The following CNTNAP3 variants were observed in gnomAD, a reference collection of about 807,000 sequenced individuals.
CNTNAP3 encodes contactin associated protein family member 3, also known as contactin-associated protein-like 3.
Under a neutral mutation model 92.1 loss-of-function variants are expected in CNTNAP3, and 36 were observed. The ratio of observed to expected loss-of-function variants is 0.39; its 90% CI spans 0.30 to 0.52. The LOEUF is 0.52. CNTNAP3 is among the 20% of genes least tolerant of loss of function. CNTNAP3 has a pLI of 0.76. For synonymous variants in CNTNAP3, 232 were observed against 422.3 expected (o/e 0.55, Z 5.53); for missense variants, 534 against 1,069.6 (o/e 0.50, Z 6.98).
rs760661279 is a variant in CNTNAP3, at chr9:39,109,159, C to G, written c.2365+1G>C. The stretch of plus-strand genomic sequence containing the variant: ...TAAAGCTTTTTCTTGACACTACTTA[C>G]GATCTCCGCGGCAGAGCAGTGGCCC... On this transcript the variant is annotated splice_donor_variant, in intron 15 of 23. Transcript: ENST00000297668. LOFTEE classifies it high-confidence loss of function. 4 of 1,609,614 alleles carry G rather than the reference C, an allele frequency of 2.5e-6. No homozygotes were observed. Among genetic ancestry groups the G allele is most frequent in the Non-Finnish European group, 3.4e-6 (4 of 1,178,882 alleles).
Position 39,065,785 on chromosome 9 carries a change from A to G in CNTNAP3, c.*8105T>C, listed in dbSNP as rs1480458671. 6.6e-6 allele frequency among the ~76,000 whole-genome samples: 1 copy of G among 152,198 alleles called. No individual in the cohort carries two copies. Among genetic ancestry groups the G allele is most frequent in the African/African-American group, 2.4e-5 (1 of 41,454 alleles). ...AGCACTTTTCGTCATTTTTTCTTAT[A>G]TTCATTATTTTCATTTTATTTTTGC... is the stretch of plus-strand genomic sequence containing the variant. On this transcript the variant is annotated 3_prime_UTR_variant, in exon 24 of 24. Coordinates refer to ENST00000297668, the MANE Select transcript of CNTNAP3 (RefSeq NM_033655.5).
intron 23 of CNTNAP3, among the ~76,000 whole-genome samples, chr9:39,076,529 G>A (rs1469924482): frequency 1.9e-4 from 29 of 152,358 alleles, no homozygotes; most frequent in African/African-American, 7.0e-4. Flanking sequence ...TTGAGATAGT[G>A]ATGGAAATGT....
intron 16 of CNTNAP3, among the ~76,000 whole-genome samples, chr9:39,103,125 G>A (rs1174427156): frequency 6.6e-6 from 1 of 152,206 alleles, no homozygotes. Flanking sequence ...TAAGCTTTGG[G>A]TACATAAAAA....
At chr9:39,147,919 T>C (rs1212598051) in intron 10 of CNTNAP3, among the ~76,000 whole-genome samples, 1 of 152,162 alleles carries the variant, frequency 6.6e-6, no homozygotes, top group South Asian at 2.1e-4. Flanking sequence ...TTGTGAGTAA[T>C]TAACAAGGTA....
At chr9:39,144,932 T>A (rs1821663970) in intron 10 of CNTNAP3, among the ~76,000 whole-genome samples, 2 of 151,696 alleles carry the variant, frequency 1.3e-5, no homozygotes, top group South Asian at 4.2e-4. Context: ...ACAAATTCAA[T>A]ACAATTCTTA....
intron 21 of CNTNAP3, among the ~76,000 whole-genome samples, chr9:39,080,386 C>T (rs1482655717): frequency 7.3e-6 from 1 of 136,622 alleles, no homozygotes; most frequent in Non-Finnish European, 1.6e-5. Flanking sequence ...ATTACTCTCC[C>T]ATTTTGTAGT....
Position 39,140,509 on chromosome 9 carries a change from A to G in CNTNAP3, c.1876+10T>C, listed in dbSNP as rs761201032. On this transcript the variant is annotated intron_variant, in intron 12 of 23. Coordinates refer to ENST00000297668, the MANE Select transcript of CNTNAP3 (RefSeq NM_033655.5). ...ATTCTGATATATGCATATAACGATT[A>G]TCAACATACCTGTCATATTGCAGTA... 1 of 1,613,322 alleles carries G rather than the reference A, an allele frequency of 6.2e-7. No individual in the cohort carries two copies. Among genetic ancestry groups the G allele is most frequent in the East Asian group, 2.2e-5 (1 of 44,868 alleles).
chr9:39,137,202 T>G (rs1428000787), intron 12 of CNTNAP3, among the ~76,000 whole-genome samples: 1 of 151,942 alleles, frequency 6.6e-6, no homozygotes, highest in African/African-American at 2.4e-5. Flanking sequence ...TCAGTCTTTT[T>G]TTCTCTTTGC....
intron 18 of CNTNAP3, among the ~76,000 whole-genome samples, chr9:39,089,770 G>A (rs1434709737): frequency 6.6e-6 from 1 of 152,112 alleles, no homozygotes; most frequent in African/African-American, 2.4e-5. Context: ...TCTGTGTGAA[G>A]AGGTATTTCA....
chr9:39,123,951 A>G (rs563197446), intron 13 of CNTNAP3, among the ~76,000 whole-genome samples: 49 of 152,116 alleles, frequency 3.2e-4, no homozygotes, highest in Admixed American at 5.2e-4. Flanking sequence ...AGAGAAAAGA[A>G]AAACAATATA....
chr9:39,115,963 C>T (rs1172359677), intron 14 of CNTNAP3, among the ~76,000 whole-genome samples: 5 of 151,876 alleles, frequency 3.3e-5, no homozygotes, highest in Non-Finnish European at 4.4e-5. Context: ...AGTTGACCAG[C>T]CTGGCCAATA....
At chr9:39,111,510 G>C (rs893705038) in intron 14 of CNTNAP3, among the ~76,000 whole-genome samples, 1 of 151,094 alleles carries the variant, frequency 6.6e-6, no homozygotes, top group African/African-American at 2.5e-5. Flanking sequence ...ACAGAATATG[G>C]ATTATCTAAA....
Position 39,140,723 on chromosome 9 carries a change from C to T in CNTNAP3, c.1757-85G>A. On this transcript the variant is annotated intron_variant, in intron 11 of 23. Coordinates refer to ENST00000297668, the MANE Select transcript of CNTNAP3 (RefSeq NM_033655.5). Reference sequence around the variant, plus strand: ...TCCAAAGGTTTGCATTTCTGAATTACAGACATGTGATACATATGACCCAAC... The same window carrying T: ...TCCAAAGGTTTGCATTTCTGAATTATAGACATGTGATACATATGACCCAAC... 4 of 1,487,240 alleles carry T rather than the reference C, an allele frequency of 2.7e-6. No individual in the cohort carries two copies. The South Asian group carries it at 5.7e-5, about 21-fold the overall frequency. 92.1% of individuals were successfully genotyped at this position (1,487,240 alleles called of 1,614,324 possible).
In CNTNAP3 at chr9:39,070,584, G is replaced by A. The variant is rs1273463445; in HGVS notation, c.*3306C>T. On this transcript the variant is annotated 3_prime_UTR_variant, in exon 24 of 24. Transcript: ENST00000297668. ...TAGGTTAATGGGTACAAAAAAAGTA[G>A]AAAGAATGAGTAAAACTTACTATAT... Among the ~76,000 whole-genome samples the A allele has an allele frequency of 1.3e-5, 2 of 151,216 alleles. No homozygotes were observed. Among genetic ancestry groups the A allele is most frequent in the Non-Finnish European group, 2.9e-5 (2 of 67,808 alleles).
intron 9 of CNTNAP3, 22 bp from the exon 10 acceptor site, chr9:39,149,999 G>A: frequency 6.2e-7 from 1 of 1,610,844 alleles, no homozygotes; most frequent in South Asian, 1.1e-5. Context: ...GACAAAAATA[G>A]GACAAAAGCA....
chr9:39,114,827 A>G (rs536722491), intron 14 of CNTNAP3, among the ~76,000 whole-genome samples: 1 of 151,824 alleles, frequency 6.6e-6, no homozygotes, highest in Non-Finnish European at 1.5e-5. Context: ...ATAATATTAC[A>G]GTTACATGTG....
intron 11 of CNTNAP3, among the ~76,000 whole-genome samples, chr9:39,143,659 T>C (rs1472878382): frequency 6.6e-6 from 1 of 152,156 alleles, no homozygotes. Flanking sequence ...TTACACTTAT[T>C]CACTTTACAA....
At position 39,065,683 on chromosome 9, in the gene CNTNAP3, C is replaced by T. The variant is rs901040433; in HGVS notation, c.*8207G>A. Among the ~76,000 whole-genome samples the T allele has an allele frequency of 1.3e-5, 2 of 152,220 alleles. No homozygotes were observed. Among genetic ancestry groups the T allele is most frequent in the Non-Finnish European group, 2.9e-5 (2 of 68,030 alleles). Reference sequence around the variant, plus strand: ...AACCATTTTAGTGGGAAGAATAACTCACTGTGGTTTTAATTTGCATTTCCT... The same window carrying T: ...AACCATTTTAGTGGGAAGAATAACTTACTGTGGTTTTAATTTGCATTTCCT... On this transcript the variant is annotated 3_prime_UTR_variant, in exon 24 of 24. Transcript: ENST00000297668.
intron 12 of CNTNAP3, among the ~76,000 whole-genome samples, chr9:39,133,412 T>A (rs1821352415): frequency 6.6e-6 from 1 of 151,924 alleles, no homozygotes; most frequent in East Asian, 1.9e-4. Context: ...GTTAAAACCA[T>A]TTTTTTATAT....
Sources: gnomAD v4.1 joint callset for allele counts (sites outside exome capture counted in the v4.1 genomes callset) on GRCh38, gnomAD v4.1.1 for gene constraint, MANE v1.5 for transcripts, NCBI Gene and HGNC (gene_info 2026-07-23, HGNC 2026-07-21) for gene names.